SENP1: variants seen among roughly 807,000 people sequenced by gnomAD.
The protein encoded by SENP1 is sentrin-specific protease 1.
SENP1 carries 21 observed loss-of-function variants against 93.0 expected under a neutral mutation model. The observed-to-expected ratio is 0.23, with a 90% CI of 0.16 to 0.33. The LOEUF (loss-of-function observed/expected upper bound fraction) is 0.33, where lower values mean the gene tolerates loss of function less well. Ranked by LOEUF, SENP1 falls within the 10% of genes least tolerant of loss-of-function variation. The probability of loss-of-function intolerance (pLI) is 1.00; values close to 1 mark genes in which losing one functional copy is unlikely to be tolerated. For missense variants in SENP1, 591 were observed against 758.7 expected (o/e 0.78, Z 2.60); for synonymous variants, 256 against 259.6 (o/e 0.99, Z 0.13).
In SENP1 at chr12:48,074,627, G is replaced by A; in HGVS notation, c.657-20C>T. On this transcript the variant is annotated intron_variant, in intron 7 of 17. Coordinates refer to ENST00000549518, the MANE Select transcript of SENP1 (RefSeq NM_001267594.2). ...CGAGACCTAGCAAGAGAAGAATATT[G>A]TTTCAATATCAAGTAATAAATTGTA... The A allele has an allele frequency of 6.2e-7, 1 of 1,608,718 alleles. No homozygotes were observed. The highest frequency in any genetic ancestry group is 8.5e-7 in the Non-Finnish European group (1 of 1,176,350).
chr12:48,082,462 T>C (rs545157040), intron 6 of SENP1, among the ~76,000 whole-genome samples: 1 of 152,186 alleles, frequency 6.6e-6, no homozygotes, highest in Non-Finnish European at 1.5e-5. Context: ...ACCCTTATTT[T>C]CCTAATCTGT....
In SENP1 at chr12:48,047,006, C is replaced by T. The variant is rs1186899734; in HGVS notation, c.1748G>A (p.Gly583Asp). The change falls in exon 16 of 18, where the codon GGC becomes GAC. Residue 583 changes from glycine to aspartate, a missense_variant. Transcript: ENST00000549518. ...DKKRKEFDTN[G>D]WQLFSKKSQE... is the part of the protein sequence containing the mutation. Reference sequence around the variant, plus strand: ...GCTTTTCTTGCTGAAAAGCTGCCAGCCATTGGTGTCAAACTCTTTCCTTTT... The same window carrying T: ...GCTTTTCTTGCTGAAAAGCTGCCAGTCATTGGTGTCAAACTCTTTCCTTTT... 2.5e-6 allele frequency: 4 copies of T among 1,612,774 alleles called. No individual in the cohort carries two copies. Among genetic ancestry groups the T allele is most frequent in the Non-Finnish European group, 3.4e-6 (4 of 1,179,012 alleles).
intron 8 of SENP1, among the ~76,000 whole-genome samples, chr12:48,072,436 G>A (rs1442682326): frequency 1.3e-5 from 2 of 152,100 alleles, no homozygotes; most frequent in African/African-American, 4.8e-5. Context: ...TGGCCAACAT[G>A]GTGAAACCTG....
chr12:48,101,425 C>G (rs770091374), intron 2 of SENP1, 44 bp downstream of exon 2: 7 of 1,517,620 alleles, frequency 4.6e-6, no homozygotes, highest in African/African-American at 1.4e-5. Flanking sequence ...TACAGCTTAA[C>G]CAATGAAAGT....
At chr12:48,087,518 A>G (rs1437936453) in intron 5 of SENP1, among the ~76,000 whole-genome samples, 3 of 152,224 alleles carry the variant, frequency 2.0e-5, no homozygotes, top group Admixed American at 2.0e-4. Context: ...CACAACATAT[A>G]TATCATACTA....
chr12:48,105,881 G>T, intron 1 of SENP1, 147 bp downstream of exon 1: 1 of 612,516 alleles, frequency 1.6e-6, no homozygotes, highest in South Asian at 1.9e-5. Context: ...TGGTCCCAGG[G>T]GGCGGGGCAG....
chr12:48,065,825 T>C (rs927642436), intron 10 of SENP1, 145 bp from the exon 11 acceptor site: 10 of 593,540 alleles, frequency 1.7e-5, no homozygotes, highest in African/African-American at 3.8e-5. Context: ...TTTTAAGACA[T>C]AGAGTGAAAC....
chr12:48,087,943 T>C (rs1944991495), intron 5 of SENP1, among the ~76,000 whole-genome samples: 1 of 152,160 alleles, frequency 6.6e-6, no homozygotes, highest in African/African-American at 2.4e-5. Flanking sequence ...TAACAAAATA[T>C]CTGAGGGAAA....
At chr12:48,066,514 C>CA (rs1943308426) in intron 10 of SENP1, among the ~76,000 whole-genome samples, 1 of 141,004 alleles carries the variant, frequency 7.1e-6, no homozygotes, top group Non-Finnish European at 1.6e-5. Flanking sequence ...ACAGGCACTT[C>CA]TTTTTTTTTT....
intron 13 of SENP1, among the ~76,000 whole-genome samples, chr12:48,052,991 A>T (rs1460700541): frequency 6.6e-6 from 1 of 152,112 alleles, no homozygotes; most frequent in Non-Finnish European, 1.5e-5. Context: ...TTCTTATGCA[A>T]TCAGCTTTTA....
chr12:48,101,466 T>C lies in SENP1; in HGVS notation c.4+3A>G, dbSNP rs1945929726. 6.2e-7 allele frequency: 1 copy of C among 1,600,526 alleles called. No homozygotes were observed. Among genetic ancestry groups the C allele is most frequent in the African/African-American group, 1.3e-5 (1 of 74,436 alleles). On this transcript the variant is annotated splice_donor_region_variant and intron_variant, in intron 2 of 17. Transcript: ENST00000549518. Reference sequence around the variant, plus strand: ...AAAGGATTCAACAGCTAGTTAGTCTTACCCATTTCAAGTCTTTTCACATCA... The same window carrying C: ...AAAGGATTCAACAGCTAGTTAGTCTCACCCATTTCAAGTCTTTTCACATCA...
In SENP1 at chr12:48,044,703, T is replaced by C. The variant is rs1435799928; in HGVS notation, c.*619A>G. On this transcript the variant is annotated 3_prime_UTR_variant, in exon 18 of 18. Coordinates refer to ENST00000549518, the MANE Select transcript of SENP1 (RefSeq NM_001267594.2). ...CCTCCGGATAGGATGAAGCTACAGATGATAAAACAGCTACGTATAAAAGCA... is the reference window on the plus strand; with the variant it reads ...CCTCCGGATAGGATGAAGCTACAGACGATAAAACAGCTACGTATAAAAGCA... 2.0e-5 allele frequency: 3 copies of C among 152,940 alleles called. No homozygotes were observed. Among genetic ancestry groups the C allele is most frequent in the African/African-American group, 4.8e-5 (2 of 41,514 alleles). The allele number at this position is 152,940 out of a possible 1,614,324, so 9.5% of individuals were successfully genotyped here. A position where few individuals can be genotyped will look rare whatever the true frequency, so the allele number is the denominator to read the frequency against.
chr12:48,056,983 TATATA>T (rs1942547858), intron 13 of SENP1, among the ~76,000 whole-genome samples: 1 of 45,322 alleles, frequency 2.2e-5, no homozygotes, highest in Non-Finnish European at 3.1e-5. Flanking sequence ...ACATATTACA[TATATA>T]AATATATTAT....
In SENP1 at chr12:48,101,456, T is replaced by C; in HGVS notation, c.4+13A>G. 1 of 1,595,696 alleles carries C rather than the reference T, an allele frequency of 6.3e-7. No individual in the cohort carries two copies. Among genetic ancestry groups the C allele is most frequent in the Middle Eastern group, 1.7e-4 (1 of 6,020 alleles). On this transcript the variant is annotated intron_variant, in intron 2 of 17. Transcript: ENST00000549518. ...AAAGTAGCTAAAAGGATTCAACAGC[T>C]AGTTAGTCTTACCCATTTCAAGTCT...
intron 16 of SENP1, 42 bp from the exon 17 acceptor site, chr12:48,046,493 T>G: frequency 6.1e-6 from 8 of 1,301,816 alleles, no homozygotes; most frequent in Non-Finnish European, 8.9e-6. Flanking sequence ...TTTCCAAGCT[T>G]CTTTCCTTCT....
chr12:48,083,478 A>G (rs1298575174), intron 6 of SENP1, 113 bp downstream of exon 6: 2 of 831,224 alleles, frequency 2.4e-6, no homozygotes, highest in South Asian at 1.6e-5. Context: ...GAAAAAGCAC[A>G]GGAAGGATAA....
chr12:48,050,965 C>A (rs137940345), intron 13 of SENP1, among the ~76,000 whole-genome samples: 546 of 151,608 alleles, frequency 3.6e-3, no homozygotes, highest in Admixed American at 7.2e-3. Flanking sequence ...AGGACTGAAG[C>A]AGGAGGTGAA....
At chr12:48,087,049 A>AAAAACAAAACAAAAC (rs541113962) in intron 5 of SENP1, among the ~76,000 whole-genome samples, 1 of 151,952 alleles carries the variant, frequency 6.6e-6, no homozygotes, top group Non-Finnish European at 1.5e-5. Flanking sequence ...AACAAAACAA[A>AAAAACAAAACAAAAC]AAAACAAAAC....
chr12:48,088,890 T>C lies in SENP1; in HGVS notation c.291A>G (p.Gln97=), dbSNP rs375417429. ...LRTFGQSANG[Q]WRNSTPSSSS... ...TTGACGATGGGGTAGAATTTCTCCA[T>C]TGGCCATTTGCACTCTGGCCAAAGG... The change falls in exon 5 of 18, where the codon CAA becomes CAG. Residue 97 remains glutamine, a synonymous_variant. Transcript: ENST00000549518. 2.0e-5 allele frequency: 32 copies of C among 1,602,530 alleles called. No homozygotes were observed. The highest frequency in any genetic ancestry group is 4.5e-5 in the East Asian group (2 of 44,652).
Sources: allele counts gnomAD v4.1 joint callset (sites outside exome capture counted in the v4.1 genomes callset), GRCh38; gene constraint gnomAD v4.1.1; transcripts MANE v1.5; gene names NCBI Gene and HGNC (gene_info 2026-07-23, HGNC 2026-07-21).